The following CCDC170 variants were observed in gnomAD, a reference collection of about 807,000 sequenced individuals.
CCDC170 encodes coiled-coil domain containing 170.
In CCDC170, 69 loss-of-function variants were observed where a neutral mutation model predicts 72.6. That is an observed-to-expected ratio of 0.95 (90% CI 0.78 to 1.16). The LOEUF (loss-of-function observed/expected upper bound fraction) is 1.16. Among genes scored for constraint, CCDC170 ranks in the 50% most tolerant of loss-of-function variants. CCDC170 has a pLI of 0.00. For missense variants in CCDC170, 852 were observed against 832.5 expected (o/e 1.02, Z -0.29); for synonymous variants, 300 against 303.9 (o/e 0.99, Z 0.13).
At chr6:151,553,404 G>A (rs1782918063) in intron 5 of CCDC170, among the ~76,000 whole-genome samples, 1 of 152,060 alleles carries the variant, frequency 6.6e-6, no homozygotes, top group Admixed American at 6.6e-5. Flanking sequence ...ATAATAAATA[G>A]CCATACAAAT....
intron 1 of CCDC170, 77 bp from the exon 2 acceptor site, chr6:151,536,241 C>T (rs1782576797): frequency 6.5e-7 from 1 of 1,541,706 alleles, no homozygotes; most frequent in Non-Finnish European, 8.9e-7. Context: ...TGCCTTTAAT[C>T]TGGCTTTGTG....
At chr6:151,531,486 C>T (rs1782489588) in intron 1 of CCDC170, among the ~76,000 whole-genome samples, 1 of 152,058 alleles carries the variant, frequency 6.6e-6, no homozygotes, top group South Asian at 2.1e-4. Context: ...TGCTTGTAGT[C>T]CTAGCTACTC....
intron 4 of CCDC170, 58 bp from the exon 5 acceptor site, chr6:151,548,246 A>C: frequency 7.1e-7 from 1 of 1,410,808 alleles, no homozygotes; most frequent in South Asian, 1.7e-5. Flanking sequence ...TGACTTGCTT[A>C]GAGAAAATGA....
intron 1 of CCDC170, among the ~76,000 whole-genome samples, chr6:151,531,688 T>C (rs1782492812): frequency 6.6e-6 from 1 of 152,190 alleles, no homozygotes; most frequent in Non-Finnish European, 1.5e-5. Flanking sequence ...CGAGACTGGG[T>C]AGTTTATAAA....
intron 1 of CCDC170, among the ~76,000 whole-genome samples, chr6:151,494,679 G>A (rs1781884057): frequency 6.6e-6 from 1 of 152,172 alleles, no homozygotes; most frequent in Admixed American, 6.5e-5. Context: ...TTTACTCCCA[G>A]GAGTTACTTA....
intron 1 of CCDC170, among the ~76,000 whole-genome samples, chr6:151,503,044 G>T (rs1782014405): frequency 6.6e-6 from 1 of 152,084 alleles, no homozygotes; most frequent in Non-Finnish European, 1.5e-5. Context: ...GGACATGGTG[G>T]TGCGCACCTG....
intron 3 of CCDC170, among the ~76,000 whole-genome samples, chr6:151,543,440 C>T (rs928450097): frequency 1.3e-5 from 2 of 150,682 alleles, no homozygotes; most frequent in Non-Finnish European, 2.9e-5. Flanking sequence ...GAATATTTAT[C>T]TTTTTTTGTG....
In CCDC170 at chr6:151,618,211, C is replaced by T. The variant is rs1182830092; in HGVS notation, c.*64C>T. The T allele has an allele frequency of 7.3e-7, 1 of 1,376,280 alleles. No individual in the cohort carries two copies. The highest frequency in any genetic ancestry group is 2.3e-5 in the East Asian group (1 of 43,364). 85.3% of individuals were successfully genotyped at this position (1,376,280 alleles called of 1,614,324 possible). On this transcript the variant is annotated 3_prime_UTR_variant, in exon 11 of 11. Coordinates refer to ENST00000239374, the MANE Select transcript of CCDC170 (RefSeq NM_025059.4). ...CACACAATTCCCAATTTCACAAATT[C>T]CTCATGTCTTTGAGATTTGATCAGT...
At chr6:151,617,850 C>G in intron 10 of CCDC170, 97 bp from the exon 11 acceptor site, 1 of 1,183,796 alleles carries the variant, frequency 8.4e-7, no homozygotes, top group Middle Eastern at 2.7e-4. Flanking sequence ...TCATGCAAAC[C>G]TGGGTTTTCT....
chr6:151,590,491 A>G (rs1776518527), intron 7 of CCDC170, among the ~76,000 whole-genome samples: 1 of 152,240 alleles, frequency 6.6e-6, no homozygotes, highest in Non-Finnish European at 1.5e-5. Flanking sequence ...TGCATATGAA[A>G]TGCACGTTCT....
At chr6:151,525,828 T>G (rs1426625234) in intron 1 of CCDC170, among the ~76,000 whole-genome samples, 1 of 152,178 alleles carries the variant, frequency 6.6e-6, no homozygotes, top group Non-Finnish European at 1.5e-5. Flanking sequence ...CATATAAAAT[T>G]AGAAGTAGGA....
chr6:151,511,929 C>A (rs1782156013), intron 1 of CCDC170, among the ~76,000 whole-genome samples: 1 of 152,104 alleles, frequency 6.6e-6, no homozygotes, highest in African/African-American at 2.4e-5. Context: ...CTCTTTGCAG[C>A]CTCGATTTCC....
At chr6:151,612,221 T>G (rs991165240) in intron 9 of CCDC170, among the ~76,000 whole-genome samples, 5 of 152,128 alleles carry the variant, frequency 3.3e-5, no homozygotes, top group Admixed American at 3.3e-4. Context: ...GCCTTCAGAG[T>G]GTAGAACAGG....
At chr6:151,543,673 A>G (rs1298971822) in intron 3 of CCDC170, among the ~76,000 whole-genome samples, 1 of 152,132 alleles carries the variant, frequency 6.6e-6, no homozygotes, top group African/African-American at 2.4e-5. Flanking sequence ...CTCTGCTTCT[A>G]CGAGTTCAAT....
intron 7 of CCDC170, among the ~76,000 whole-genome samples, chr6:151,591,070 C>T (rs912590347): frequency 6.6e-6 from 1 of 152,124 alleles, no homozygotes; most frequent in Non-Finnish European, 1.5e-5. Flanking sequence ...AAATTGTATT[C>T]ATATGTATGC....
intron 1 of CCDC170, among the ~76,000 whole-genome samples, chr6:151,519,807 C>T (rs1782292369): frequency 6.6e-6 from 1 of 152,174 alleles, no homozygotes; most frequent in Admixed American, 6.5e-5. Flanking sequence ...GTTGCCATGA[C>T]ATTTGAAAAT....
Position 151,573,182 on chromosome 6 carries a change from C to G in CCDC170, c.783C>G (p.Leu261=), listed in dbSNP as rs757260517. Residue 261 remains leucine (L), a synonymous_variant, in exon 6 of 11, where the codon CTC becomes CTG. Transcript: ENST00000239374. ...EEKEKLNQDL[L]SAVEAKEALE... is the part of the protein sequence containing the mutation. Reference sequence around the variant, plus strand: ...TTCTGTAATCATTTTAGGACCTGCTCAGTGCTGTAGAAGCAAAAGAAGCTC... The same window carrying G: ...TTCTGTAATCATTTTAGGACCTGCTGAGTGCTGTAGAAGCAAAAGAAGCTC... 6.2e-7 allele frequency: 1 copy of G among 1,612,480 alleles called. No homozygotes were observed. The highest frequency in any genetic ancestry group is 8.5e-7 in the Non-Finnish European group (1 of 1,179,450).
chr6:151,583,989 A>G (rs1344728355), intron 6 of CCDC170, among the ~76,000 whole-genome samples: 1 of 152,202 alleles, frequency 6.6e-6, no homozygotes, highest in Non-Finnish European at 1.5e-5. Flanking sequence ...ATCTCCGATC[A>G]CAGATCACCA....
chr6:151,591,400 T>C (rs763462101), intron 7 of CCDC170, among the ~76,000 whole-genome samples: 2 of 152,194 alleles, frequency 1.3e-5, no homozygotes, highest in African/African-American at 2.4e-5. Context: ...AACCTTTAAA[T>C]AGCTTTCTAA....
Sources: gnomAD v4.1 joint callset for allele counts (sites outside exome capture counted in the v4.1 genomes callset) on GRCh38, gnomAD v4.1.1 for gene constraint, MANE v1.5 for transcripts, NCBI Gene and HGNC (gene_info 2026-07-23, HGNC 2026-07-21) for gene names.